PRKCA: variants seen among roughly 807,000 people sequenced by gnomAD.
The protein encoded by PRKCA is protein kinase C alpha.
PRKCA carries 27 observed loss-of-function variants against 87.0 expected under a neutral mutation model. The ratio of observed to expected loss-of-function variants is 0.31; its 90% confidence interval spans 0.23 to 0.43. The LOEUF is 0.43. Ranked by LOEUF, PRKCA falls within the 20% of genes least tolerant of loss-of-function variation. The probability of loss-of-function intolerance (pLI) is 1.00; values close to 1 mark genes in which losing one functional copy is unlikely to be tolerated. For missense variants in PRKCA, 518 were observed against 852.3 expected, an observed-to-expected ratio of 0.61 and a Z score of 4.88; for synonymous variants, 329 against 311.1, an observed-to-expected ratio of 1.06 and a Z score of -0.61.
intron 5 of PRKCA, among the ~76,000 whole-genome samples, chr17:66,661,379 G>T (rs1971900550): frequency 6.6e-6 from 1 of 152,208 alleles, no homozygotes; most frequent in African/African-American, 2.4e-5. Flanking sequence ...ATGCAACACT[G>T]CCATGAAACG....
rs533878349 is a variant in PRKCA, at chr17:66,526,549, G to C, written c.288+30266G>C. On this transcript the variant is annotated intron_variant, in intron 3 of 16. Coordinates refer to ENST00000413366, the MANE Select transcript of PRKCA (RefSeq NM_002737.3). ...TGGGTGTGCTCTTCCCAGGGCTAAG[G>C]GGGCAAGGCAAACCCAGGAGGATGG... Among the ~76,000 whole-genome samples the C allele has an allele frequency of 7.9e-5, 12 of 152,218 alleles. No homozygotes were observed. In the South Asian group the frequency reaches 1.5e-3, roughly 18 times the overall value.
chr17:66,420,461 T>C (rs956501780), intron 2 of PRKCA, among the ~76,000 whole-genome samples: 4 of 152,188 alleles, frequency 2.6e-5, no homozygotes, highest in Non-Finnish European at 5.9e-5. Context: ...TCAGTAGAAA[T>C]TGTACTTCAA....
At chr17:66,739,697 AG>A (rs1177531770) in intron 11 of PRKCA, among the ~76,000 whole-genome samples, 1 of 152,012 alleles carries the variant, frequency 6.6e-6, no homozygotes, top group African/African-American at 2.4e-5. Flanking sequence ...CAGAGGCAGA[AG>A]CAAGTCCAGG....
chr17:66,753,814 G>A (rs1285987656), intron 13 of PRKCA, among the ~76,000 whole-genome samples: 1 of 152,144 alleles, frequency 6.6e-6, no homozygotes, highest in African/African-American at 2.4e-5. Flanking sequence ...GCGAGAAGGA[G>A]GCAGCCAGCA....
At chr17:66,777,973 C>CT (rs1460373126) in intron 14 of PRKCA, 1 of 984,882 alleles carries the variant, frequency 1.0e-6, no homozygotes, top group East Asian at 1.1e-4. Flanking sequence ...GAGAAGTCCC[C>CT]TTTGGGGGGT....
chr17:66,487,525 T>C (rs192407771), intron 2 of PRKCA, among the ~76,000 whole-genome samples: 10 of 152,342 alleles, frequency 6.6e-5, no homozygotes, highest in Admixed American at 4.6e-4. Flanking sequence ...CCCTTCTTTC[T>C]GATGTATACG....
At chr17:66,501,163 G>A (rs958862066) in intron 3 of PRKCA, among the ~76,000 whole-genome samples, 9 of 152,074 alleles carry the variant, frequency 5.9e-5, no homozygotes, top group Admixed American at 3.9e-4. Context: ...ATAAAATAGC[G>A]GTACCCAGGT....
At chr17:66,784,590 A>G (rs1975332387) in intron 14 of PRKCA, among the ~76,000 whole-genome samples, 1 of 152,232 alleles carries the variant, frequency 6.6e-6, no homozygotes, top group South Asian at 2.1e-4. Flanking sequence ...GCCAAAACTC[A>G]GCCAGGTTTA....
intron 2 of PRKCA, among the ~76,000 whole-genome samples, chr17:66,358,376 C>T (rs1482053297): frequency 6.6e-6 from 1 of 152,094 alleles, no homozygotes; most frequent in African/African-American, 2.4e-5. Context: ...TGAATGGCTG[C>T]ATAATGTGTA....
rs568398979 is a variant in PRKCA, at chr17:66,479,996, C to T, written c.206-16205C>T. ...TATAACCTGCATAGATACCCCTGAA[C>T]TTAAAAAAAAAAAAAAACATTTTGG... is the stretch of plus-strand genomic sequence containing the variant. On this transcript the variant is annotated intron_variant, in intron 2 of 16. Transcript: ENST00000413366. 9.9e-3 allele frequency among the ~76,000 whole-genome samples: 985 copies of T among 99,008 alleles called. 6 individuals carry two copies. Among genetic ancestry groups the T allele is most frequent in the Non-Finnish European group, 0.014 (749 of 54,424 alleles). The allele number at this position is 99,008 out of a possible 152,430, so 65.0% of individuals were successfully genotyped here.
intron 3 of PRKCA, among the ~76,000 whole-genome samples, chr17:66,508,334 A>T (rs2144159286): frequency 6.6e-6 from 1 of 152,338 alleles, no homozygotes; most frequent in East Asian, 1.9e-4. Flanking sequence ...CAAGGGGAAA[A>T]GTCAGGTTTT....
chr17:66,440,090 T>A (rs561026819), intron 2 of PRKCA, among the ~76,000 whole-genome samples: 1 of 152,354 alleles, frequency 6.6e-6, no homozygotes, highest in Admixed American at 6.5e-5. Flanking sequence ...TACTGTAGGC[T>A]TTGATTTATT....
intron 2 of PRKCA, among the ~76,000 whole-genome samples, chr17:66,460,206 G>A (rs544268753): frequency 9.2e-5 from 14 of 152,232 alleles, no homozygotes; most frequent in African/African-American, 3.4e-4. Flanking sequence ...GAAGGTCATT[G>A]CCCGTGGACT....
intron 13 of PRKCA, 32 bp from the exon 14 acceptor site, chr17:66,773,955 C>G: frequency 1.9e-6 from 3 of 1,613,532 alleles, no homozygotes; most frequent in Non-Finnish European, 2.5e-6. Flanking sequence ...GGACTTACCA[C>G]TAATGTAATT....
chr17:66,678,379 T>C (rs1254788622), intron 5 of PRKCA, among the ~76,000 whole-genome samples: 1 of 152,224 alleles, frequency 6.6e-6, no homozygotes, highest in African/African-American at 2.4e-5. Context: ...TTCTGTTGTC[T>C]TAACTGGGAA....
At chr17:66,335,933 C>T (rs973851621) in intron 2 of PRKCA, among the ~76,000 whole-genome samples, 1 of 152,146 alleles carries the variant, frequency 6.6e-6, no homozygotes. Flanking sequence ...AGAATAGTTA[C>T]TAAATTTCAT....
intron 2 of PRKCA, among the ~76,000 whole-genome samples, chr17:66,369,027 G>A (rs1330751919): frequency 3.3e-5 from 5 of 152,090 alleles, no homozygotes; most frequent in African/African-American, 4.8e-5. Context: ...ATATTCCATC[G>A]GTCCTTTTCT....
At chr17:66,510,617 G>A (rs1309051313) in intron 3 of PRKCA, among the ~76,000 whole-genome samples, 5 of 152,034 alleles carry the variant, frequency 3.3e-5, no homozygotes, top group African/African-American at 1.2e-4. Context: ...TGCCTTTCTG[G>A]GTATATTCCT....
chr17:66,390,634 C>T (rs939192995), intron 2 of PRKCA, among the ~76,000 whole-genome samples: 2 of 152,168 alleles, frequency 1.3e-5, no homozygotes, highest in Non-Finnish European at 2.9e-5. Flanking sequence ...TGATGAATCC[C>T]ACCATTGGTT....
Sources: allele counts gnomAD v4.1 joint callset (sites outside exome capture counted in the v4.1 genomes callset), GRCh38; gene constraint gnomAD v4.1.1; transcripts MANE v1.5; gene names NCBI Gene and HGNC (gene_info 2026-07-23, HGNC 2026-07-21).